Variants in LGR6 observed in about 807,000 individuals in gnomAD.
The protein encoded by LGR6 is leucine rich repeat containing G protein-coupled receptor 6.
In LGR6, 45 loss-of-function variants were observed where a neutral mutation model predicts 69.4. That is an observed-to-expected ratio of 0.65 (90% CI 0.51 to 0.83). LGR6 has a LOEUF of 0.83. Ranked by LOEUF, LGR6 falls within the 40% of genes least tolerant of loss-of-function variation. The pLI is 0.00. For missense variants in LGR6, 1,108 were observed against 1,246.7 expected (o/e 0.89, Z 1.68); for synonymous variants, 538 against 555.0 (o/e 0.97, Z 0.43).
chr1:202,243,220 C>A (rs1662359368), intron 4 of LGR6, among the ~76,000 whole-genome samples: 1 of 152,140 alleles, frequency 6.6e-6, no homozygotes, highest in Non-Finnish European at 1.5e-5. Flanking sequence ...CCAGAGCTGA[C>A]CTTGGGTTGT....
rs1196839225 is a variant in LGR6, at chr1:202,227,511, G to A, written c.285-425G>A. On this transcript the variant is annotated intron_variant, in intron 2 of 17. Transcript: ENST00000367278. Reference sequence around the variant, plus strand: ...TGGAGAGACACAGACACACCCCCTGGTACTCCTCCCTCTACTGATGACACC... The same window carrying A: ...TGGAGAGACACAGACACACCCCCTGATACTCCTCCCTCTACTGATGACACC... Among the ~76,000 whole-genome samples the A allele has an allele frequency of 3.9e-5, 6 of 152,250 alleles. No homozygotes were observed. In the South Asian group the frequency reaches 1.2e-3, roughly 32 times the overall value.
intron 4 of LGR6, among the ~76,000 whole-genome samples, chr1:202,273,989 G>C (rs1665331868): frequency 6.6e-6 from 1 of 152,180 alleles, no homozygotes; most frequent in African/African-American, 2.4e-5. Flanking sequence ...CTGGGACTAA[G>C]ATGCTGCTCC....
intron 1 of LGR6, among the ~76,000 whole-genome samples, chr1:202,208,799 G>A (rs949738683): frequency 4.6e-5 from 7 of 152,136 alleles, no homozygotes; most frequent in African/African-American, 1.2e-4. Context: ...ACCATGTTGC[G>A]GGGCCCAGGG....
At chr1:202,308,072 A>G (rs1364320036) in intron 14 of LGR6, among the ~76,000 whole-genome samples, 1 of 152,166 alleles carries the variant, frequency 6.6e-6, no homozygotes, top group African/African-American at 2.4e-5. Flanking sequence ...TGGTTAACAC[A>G]AAGACTTCTT....
intron 4 of LGR6, among the ~76,000 whole-genome samples, chr1:202,242,937 T>A (rs1433205227): frequency 6.6e-6 from 1 of 152,202 alleles, no homozygotes; most frequent in Non-Finnish European, 1.5e-5. Context: ...ATTCTCTCAC[T>A]TAACCCTCAC....
chr1:202,249,649 T>C (rs1558035358), intron 4 of LGR6, among the ~76,000 whole-genome samples: 1 of 152,232 alleles, frequency 6.6e-6, no homozygotes, highest in African/African-American at 2.4e-5. Context: ...AATAACATCA[T>C]TTAGTTCCCT....
rs554367523 is a variant in LGR6 at position 202,197,382 on chromosome 1, G to A, written c.212+3181G>A. 1.9e-4 allele frequency: 99 copies of A among 532,414 alleles called. 2 individuals are homozygous for A. Among genetic ancestry groups the A allele is most frequent in the South Asian group, 1.2e-3 (89 of 71,316 alleles). The allele number at this position is 532,414 out of a possible 1,614,324, so 33.0% of individuals were successfully genotyped here. On this transcript the variant is annotated intron_variant, in intron 1 of 17. Transcript: ENST00000367278. ...CCTGTTTGATCAAGGTTGGGAAGAC[G>A]GACTTCAGATACTCACAATCCTCCA...
intron 4 of LGR6, among the ~76,000 whole-genome samples, chr1:202,258,994 T>A (rs896982627): frequency 3.4e-4 from 51 of 152,210 alleles, no homozygotes; most frequent in African/African-American, 1.1e-3. Context: ...TACATTTTTT[T>A]AAATTAGAAG....
intron 3 of LGR6, 55 bp downstream of exon 3, chr1:202,228,062 C>A (rs1375310460): frequency 6.1e-6 from 8 of 1,313,956 alleles, no homozygotes; most frequent in Non-Finnish European, 8.7e-6. Flanking sequence ...GAATGGTGAG[C>A]AAATCAAAGT....
Position 202,305,709 on chromosome 1 carries a change from G to A in LGR6, c.1096G>A (p.Glu366Lys). ...VLELSHNQIEELPSLHRCQKL... is the reference protein window; with the variant it reads ...VLELSHNQIEKLPSLHRCQKL... The stretch of plus-strand genomic sequence containing the variant: ...GGAACTGTCTCACAATCAAATTGAG[G>A]AGCTGCCCAGCCTGCACAGGTGTCA... The change falls in exon 12 of 18, where the codon GAG (glutamate) becomes AAG (lysine). Residue 366 changes from glutamate to lysine, a missense_variant. Glu to Lys is a moderately conservative substitution (Grantham distance 56). Transcript: ENST00000367278. The A allele has an allele frequency of 1.2e-6, 2 of 1,613,998 alleles. No individual in the cohort carries two copies. The highest frequency in any genetic ancestry group is 1.7e-6 in the Non-Finnish European group (2 of 1,180,024).
At chr1:202,233,587 T>C (rs987235286) in intron 3 of LGR6, among the ~76,000 whole-genome samples, 1 of 152,150 alleles carries the variant, frequency 6.6e-6, no homozygotes, top group African/African-American at 2.4e-5. Flanking sequence ...GATGGAATGT[T>C]ACCACTGAGT....
intron 4 of LGR6, among the ~76,000 whole-genome samples, chr1:202,254,009 T>G (rs1444162184): frequency 2.0e-5 from 3 of 148,130 alleles, no homozygotes; most frequent in South Asian, 2.2e-4. Context: ...GTTTCACCGT[T>G]TTAGCCGGGA....
At chr1:202,285,322 G>A (rs1666315594) in intron 6 of LGR6, among the ~76,000 whole-genome samples, 1 of 152,200 alleles carries the variant, frequency 6.6e-6, no homozygotes, top group African/African-American at 2.4e-5. Flanking sequence ...TTTGGCCAGG[G>A]ACAGGAAACC....
intron 6 of LGR6, among the ~76,000 whole-genome samples, chr1:202,289,194 A>G (rs1023514582): frequency 3.9e-5 from 6 of 152,226 alleles, no homozygotes; most frequent in Non-Finnish European, 7.3e-5. Context: ...CAGGGAAGTG[A>G]AGACGGGCAC....
chr1:202,298,862 G>T (rs995773909), intron 7 of LGR6, among the ~76,000 whole-genome samples: 3 of 151,870 alleles, frequency 2.0e-5, no homozygotes, highest in Non-Finnish European at 4.4e-5. Context: ...CACCACCTGA[G>T]ACCTATAGTA....
intron 9 of LGR6, among the ~76,000 whole-genome samples, chr1:202,302,842 C>T (rs1005273948): frequency 5.9e-5 from 9 of 152,050 alleles, no homozygotes; most frequent in African/African-American, 1.4e-4. Flanking sequence ...CCACCACACC[C>T]GGCTGAGAAC....
rs1313817806 is a variant in LGR6, at chr1:202,314,835, TGGA to T, written c.1605_1607del (p.Glu535del). ...GACCTGGATGAGCTCCAGCTGGAGA[TGGA>T]GGACTCAAAGCCACACCCCAGTGTC... On this transcript the variant is annotated inframe_deletion, in exon 17 of 18. Coordinates refer to ENST00000367278, the MANE Select transcript of LGR6 (RefSeq NM_001017403.2). 4.3e-6 allele frequency: 7 copies of T among 1,613,860 alleles called. No individual in the cohort carries two copies. Among genetic ancestry groups the T allele is most frequent in the Non-Finnish European group, 5.9e-6 (7 of 1,179,972 alleles).
At chr1:202,275,143 A>G (rs931089315) in intron 4 of LGR6, among the ~76,000 whole-genome samples, 1 of 152,198 alleles carries the variant, frequency 6.6e-6, no homozygotes, top group Non-Finnish European at 1.5e-5. Context: ...CTTTGGGTTC[A>G]GGATTATGGA....
At chr1:202,313,570 C>A (rs1653911517) in intron 16 of LGR6, among the ~76,000 whole-genome samples, 1 of 152,164 alleles carries the variant, frequency 6.6e-6, no homozygotes, top group South Asian at 2.1e-4. Context: ...TTATCTGTCA[C>A]CTGCCTCACA....
Sources: gnomAD v4.1 joint callset for allele counts (sites outside exome capture counted in the v4.1 genomes callset) on GRCh38, gnomAD v4.1.1 for gene constraint, MANE v1.5 for transcripts, NCBI Gene and HGNC (gene_info 2026-07-23, HGNC 2026-07-21) for gene names.